SSH2: variants seen among roughly 807,000 people sequenced by gnomAD.
SSH2 encodes slingshot protein phosphatase 2, also known as protein phosphatase Slingshot homolog 2.
A neutral mutation model predicts 135.2 loss-of-function variants in SSH2; 37 were observed. The ratio of observed to expected loss-of-function variants is 0.27; its 90% CI spans 0.21 to 0.36. The LOEUF (loss-of-function observed/expected upper bound fraction) is 0.36. Ranked by LOEUF, SSH2 falls within the 10% of genes least tolerant of loss-of-function variation. SSH2 has a pLI of 1.00. For synonymous variants in SSH2, 628 were observed against 646.2 expected, an observed-to-expected ratio of 0.97 and a Z score of 0.43; for missense variants, 1,408 against 1,765.3, an observed-to-expected ratio of 0.80 and a Z score of 3.63.
chr17:29,690,675 A>G (rs73280652), intron 5 of SSH2, among the ~76,000 whole-genome samples: 2,243 of 152,264 alleles, frequency 0.015, 57 homozygotes, highest in African/African-American at 0.05. Context: ...AGTAAACTAA[A>G]GAACACTGTC....
chr17:29,787,418 A>G (rs566990631), intron 3 of SSH2: 6 of 152,306 alleles, frequency 3.9e-5, no homozygotes, highest in African/African-American at 1.4e-4. Context: ...GCTATTGTGA[A>G]TAATGTTGCT....
Position 29,631,916 on chromosome 17 carries a change from G to C in SSH2, c.3278C>G (p.Pro1093Arg). 6.2e-7 allele frequency: 1 copy of C among 1,614,180 alleles called. No homozygotes were observed. The highest frequency in any genetic ancestry group is 8.5e-7 in the Non-Finnish European group (1 of 1,180,030). ...LDENLNRTLDPNQVSLHPQVL... is the reference protein window; with the variant it reads ...LDENLNRTLDRNQVSLHPQVL... ...TTGGGGGTGCAGAGAAACCTGGTTG[G>C]GGTCCAGAGTCCTGTTTAGATTTTC... The change falls in exon 16 of 16, where the codon CCC (proline) becomes CGC (arginine). Residue 1093 changes from proline (P) to arginine (R), a missense_variant. Physicochemically the swap from Pro to Arg is moderately radical, Grantham distance 103 (BLOSUM62 -2). Transcript: ENST00000540801.
At chr17:29,709,968 A>G in intron 3 of SSH2, among the ~76,000 whole-genome samples, 1 of 152,236 alleles carries the variant, frequency 6.6e-6, no homozygotes, top group East Asian at 1.9e-4. Context: ...GATCAAAATC[A>G]CTTCCTAAAG....
intron 1 of SSH2, among the ~76,000 whole-genome samples, chr17:29,913,349 TATATATATATATA>T (rs1472522774): frequency 3.0e-4 from 5 of 16,612 alleles, no homozygotes; most frequent in African/African-American, 6.1e-4. Context: ...AAAAAAAAAA[TATATATATATATA>T]TATATATATA....
At chr17:29,772,756 C>T (rs1348140155) in intron 3 of SSH2, among the ~76,000 whole-genome samples, 1 of 152,080 alleles carries the variant, frequency 6.6e-6, no homozygotes, top group African/African-American at 2.4e-5. Context: ...TCTCCTCCTG[C>T]CTTTGGACAT....
At chr17:29,864,382 A>G (rs979034097) in intron 1 of SSH2, 1 of 151,784 alleles carries the variant, frequency 6.6e-6, no homozygotes, top group Non-Finnish European at 1.5e-5. Context: ...GTAAGGTTAC[A>G]CACTCCAAAT....
chr17:29,925,474 AGGAGGCT>A, intron 1 of SSH2: 1 of 398,512 alleles, frequency 2.5e-6, no homozygotes. Flanking sequence ...CCAATTCTTT[AGGAGGCT>A]GAGACAGGAG....
intron 13 of SSH2, among the ~76,000 whole-genome samples, chr17:29,650,378 C>A (rs1486132358): frequency 1.3e-5 from 2 of 152,172 alleles, no homozygotes; most frequent in African/African-American, 4.8e-5. Context: ...TTCCTTCTCT[C>A]ATTTCTGTAT....
At chr17:29,785,601 G>A (rs974810833) in intron 3 of SSH2, among the ~76,000 whole-genome samples, 4 of 146,604 alleles carry the variant, frequency 2.7e-5, no homozygotes, top group African/African-American at 1.0e-4. Context: ...CCGGGTTCAA[G>A]CGATTCTCCT....
intron 2 of SSH2, among the ~76,000 whole-genome samples, chr17:29,821,452 T>A (rs2042649094): frequency 6.6e-6 from 1 of 151,464 alleles, no homozygotes; most frequent in Admixed American, 6.6e-5. Flanking sequence ...TAATGGGTAC[T>A]CAACAAATAT....
chr17:29,681,179 A>G (rs902220462), intron 6 of SSH2, among the ~76,000 whole-genome samples: 19 of 151,704 alleles, frequency 1.3e-4, no homozygotes, highest in Non-Finnish European at 2.6e-4. Context: ...TACTAAAAAT[A>G]CAAAAATTAG....
chr17:29,697,457 C>T (rs937802172), intron 4 of SSH2, among the ~76,000 whole-genome samples: 12 of 152,190 alleles, frequency 7.9e-5, no homozygotes, highest in Admixed American at 4.6e-4. Flanking sequence ...CGGGTTGGTG[C>T]GTTTGTCTAA....
intron 1 of SSH2, among the ~76,000 whole-genome samples, chr17:29,851,564 G>A (rs2065560232): frequency 1.3e-5 from 2 of 151,926 alleles, no homozygotes; most frequent in South Asian, 4.1e-4. Context: ...TAGCACTCCA[G>A]CCTGGGCAAT....
At chr17:29,794,276 A>G (rs2042121076) in intron 2 of SSH2, among the ~76,000 whole-genome samples, 1 of 152,192 alleles carries the variant, frequency 6.6e-6, no homozygotes, top group Admixed American at 6.5e-5. Flanking sequence ...CATTCTGACT[A>G]CCACCAATAA....
chr17:29,702,506 T>C (rs1448951654), intron 4 of SSH2, among the ~76,000 whole-genome samples: 1 of 151,748 alleles, frequency 6.6e-6, no homozygotes, highest in East Asian at 1.9e-4. Context: ...AATACAAAAA[T>C]GAGCTGGGCG....
chr17:29,877,779 A>T (rs898259577), intron 1 of SSH2, among the ~76,000 whole-genome samples: 5 of 152,044 alleles, frequency 3.3e-5, no homozygotes, highest in Non-Finnish European at 5.9e-5. Context: ...AAAAAAAAAA[A>T]AAATAGAATG....
intron 3 of SSH2, chr17:29,775,601 G>A (rs1422938651): frequency 1.3e-5 from 2 of 152,002 alleles, no homozygotes; most frequent in Admixed American, 6.6e-5. Context: ...GTAGGTTCTG[G>A]TTTTCTTTAT....
chr17:29,839,254 G>A (rs916812927), intron 2 of SSH2: 8 of 152,438 alleles, frequency 5.2e-5, no homozygotes, highest in Non-Finnish European at 1.0e-4. Context: ...CACACCCCTC[G>A]CCACCCCATG....
At chr17:29,736,408 A>G (rs1315827187) in intron 3 of SSH2, among the ~76,000 whole-genome samples, 2 of 152,212 alleles carry the variant, frequency 1.3e-5, no homozygotes, top group African/African-American at 4.8e-5. Context: ...GGAAATGATT[A>G]GATTTAGGGC....
Sources: gnomAD v4.1 joint callset for allele counts (sites outside exome capture counted in the v4.1 genomes callset) on GRCh38, gnomAD v4.1.1 for gene constraint, MANE v1.5 for transcripts, NCBI Gene and HGNC (gene_info 2026-07-23, HGNC 2026-07-21) for gene names.